Variants in ZDHHC7 observed in about 807,000 individuals in gnomAD.
The protein encoded by ZDHHC7 is palmitoyltransferase ZDHHC7.
Under a neutral mutation model 34.1 loss-of-function variants are expected in ZDHHC7, and 12 were observed. The observed-to-expected ratio is 0.35, with a 90% CI of 0.23 to 0.57. The LOEUF is 0.57. Ranked by LOEUF, ZDHHC7 falls within the 20% of genes least tolerant of loss-of-function variation. The pLI is 0.84. For synonymous variants in ZDHHC7, 185 were observed against 155.4 expected, an observed-to-expected ratio of 1.19 and a Z score of -1.42; for missense variants, 388 against 402.7, an observed-to-expected ratio of 0.96 and a Z score of 0.31.
chr16:85,025,379 C>T, the ZDHHC7 span, among the ~76,000 whole-genome samples: 1 of 151,764 alleles, frequency 6.6e-6, no homozygotes, highest in African/African-American at 2.4e-5. Context: ...CCTGCTGAGC[C>T]AACCCCAGAG....
In ZDHHC7 at chr16:84,976,439, C is replaced by G. The variant is rs781180369; in HGVS notation, c.831G>C (p.Gly277=). Residue 277 remains glycine (G), a synonymous_variant, in exon 8 of 8, where the codon GGG becomes GGC. Transcript: ENST00000313732. ...GATTCATCCAGAGGAGTGAGGGGGG[C>G]CCCCCAAAGACGGACTTCATCCCTT... ...RWEGMKSVFG[G]PPSLLWMNPF... 2.5e-6 allele frequency: 4 copies of G among 1,613,946 alleles called. No homozygotes were observed. In the South Asian group the frequency reaches 4.4e-5, roughly 18 times the overall value.
rs990714245 is a variant in ZDHHC7 at position 84,975,898 on chromosome 16, T to C, written c.*445A>G. ...TAATCGAGACCAAAACGTCTTTCTA[T>C]GTAAACGCCCTGCTGTGATCCGGGG... On this transcript the variant is annotated 3_prime_UTR_variant, in exon 8 of 8. Transcript: ENST00000313732. 2.3e-5 allele frequency: 4 copies of C among 171,374 alleles called. No homozygotes were observed. Among genetic ancestry groups the C allele is most frequent in the African/African-American group, 7.2e-5 (3 of 41,584 alleles). 10.6% of individuals were successfully genotyped at this position (171,374 alleles called of 1,614,324 possible).
chr16:84,979,692 GAAT>G (rs1267273208), intron 4 of ZDHHC7, among the ~76,000 whole-genome samples: 2 of 152,014 alleles, frequency 1.3e-5, no homozygotes, highest in Non-Finnish European at 2.9e-5. Context: ...TCCTACCACT[GAAT>G]CCATATTCAC....
chr16:84,999,006 C>T (rs1183642793), intron 1 of ZDHHC7, among the ~76,000 whole-genome samples: 1 of 152,314 alleles, frequency 6.6e-6, no homozygotes, highest in African/African-American at 2.4e-5. Context: ...CCGCCCGCCT[C>T]AGCCTCCCAA....
In ZDHHC7 at chr16:85,000,891, G is replaced by C. The variant is rs191443459; in HGVS notation, c.-103-4884C>G. ...AAGTTAGCAGCAAAGTGTGATCAGG[G>C]AGAGAAATGAAAACAGCTACTTCTG... On this transcript the variant is annotated intron_variant, in intron 1 of 7. Transcript: ENST00000313732. 1.0e-3 allele frequency among the ~76,000 whole-genome samples: 159 copies of C among 152,330 alleles called. 1 individual carries two copies. The highest frequency in any genetic ancestry group is 3.6e-3 in the African/African-American group (150 of 41,570).
chr16:84,990,115 C>T (rs1473948472), intron 3 of ZDHHC7, among the ~76,000 whole-genome samples, 189 bp downstream of exon 3: 4 of 152,300 alleles, frequency 2.6e-5, no homozygotes, highest in East Asian at 3.9e-4. Flanking sequence ...TATTTCACTG[C>T]GCTAGGTCTG....
intron 3 of ZDHHC7, among the ~76,000 whole-genome samples, chr16:84,983,787 G>A (rs111613771): frequency 4.0e-5 from 6 of 151,872 alleles, no homozygotes; most frequent in Non-Finnish European, 7.4e-5. Flanking sequence ...GGATCACGAG[G>A]TTAGGAGTTC....
chr16:85,002,882 TATGGAGACCGCAAA>T (rs1317548770), intron 1 of ZDHHC7, among the ~76,000 whole-genome samples: 1 of 150,988 alleles, frequency 6.6e-6, no homozygotes, highest in African/African-American at 2.4e-5. Context: ...TGGGAGGGCC[TATGGAGACCGCAAA>T]ATGGAAATGG....
intron 2 of ZDHHC7, among the ~76,000 whole-genome samples, chr16:84,991,364 C>A (rs1434035231): frequency 6.6e-6 from 1 of 152,024 alleles, no homozygotes; most frequent in Admixed American, 6.6e-5. Context: ...TGGCTCACTG[C>A]AACCTCCGTC....
At chr16:85,021,409 C>CAA in the ZDHHC7 span, among the ~76,000 whole-genome samples, 1,865 of 85,318 alleles carry the variant, frequency 0.022, 101 homozygotes, top group African/African-American at 0.06. Context: ...AGACTCCATC[C>CAA]AAAAAAAAAA....
intron 3 of ZDHHC7, among the ~76,000 whole-genome samples, chr16:84,984,808 C>G (rs921201507): frequency 2.0e-5 from 3 of 152,106 alleles, no homozygotes; most frequent in African/African-American, 7.2e-5. Context: ...GAGTCTATCA[C>G]CTACATTTTC....
the ZDHHC7 span, among the ~76,000 whole-genome samples, chr16:85,020,614 T>C: frequency 3.9e-5 from 6 of 152,068 alleles, no homozygotes; most frequent in Non-Finnish European, 5.9e-5. Context: ...AGGCAGGTCC[T>C]ACAGTAGAAA....
At position 84,981,935 on chromosome 16, in the gene ZDHHC7, G is replaced by C. The variant is rs16975086; in HGVS notation, c.375C>G (p.Pro125=). Residue 125 remains proline, a synonymous_variant, in exon 4 of 8, where the codon CCC becomes CCG. Coordinates refer to ENST00000313732, the MANE Select transcript of ZDHHC7 (RefSeq NM_017740.3). The stretch of plus-strand genomic sequence containing the variant: ...TGGGGCACTTGTAGATGACTTCCCC[G>C]GGCTTCAGCTGCAAGCTCTCCATGT... ...KEYMESLQLK[P]GEVIYKCPKC... 1 of 1,614,056 alleles carries C rather than the reference G, an allele frequency of 6.2e-7. No individual in the cohort carries two copies. The highest frequency in any genetic ancestry group is 8.5e-7 in the Non-Finnish European group (1 of 1,179,996).
At chr16:85,010,232 GGCT>G (rs1046495882) in intron 1 of ZDHHC7, among the ~76,000 whole-genome samples, 1 of 151,354 alleles carries the variant, frequency 6.6e-6, no homozygotes, top group Non-Finnish European at 1.5e-5. Flanking sequence ...ATGTTGCCCA[GGCT>G]GCTCTCCAAC....
intron 1 of ZDHHC7, among the ~76,000 whole-genome samples, chr16:85,006,846 C>A (rs1287053228): frequency 6.6e-6 from 1 of 150,868 alleles, no homozygotes; most frequent in Non-Finnish European, 1.5e-5. Flanking sequence ...GCTCAACATT[C>A]CCCACTCTCT....
chr16:84,976,559 AAGCTCGGCAGAC>A (rs757262759), intron 7 of ZDHHC7, 40 bp from the exon 8 acceptor site: 1 of 1,600,158 alleles, frequency 6.2e-7, no homozygotes, highest in Non-Finnish European at 8.5e-7. Context: ...CGGCTCCAGG[AAGCTCGGCAGAC>A]CCCACCAAGC....
At chr16:84,996,272 T>C (rs2072575457) in intron 1 of ZDHHC7, among the ~76,000 whole-genome samples, 1 of 152,208 alleles carries the variant, frequency 6.6e-6, no homozygotes, top group Non-Finnish European at 1.5e-5. Context: ...TACAGATCTA[T>C]AAGCTAAAAT....
the ZDHHC7 span, among the ~76,000 whole-genome samples, chr16:85,024,890 G>C: frequency 2.0e-5 from 3 of 152,210 alleles, no homozygotes; most frequent in Non-Finnish European, 2.9e-5. Context: ...GGCTTTTGCT[G>C]AAAGTATTGA....
At chr16:85,017,906 A>G in the ZDHHC7 span, among the ~76,000 whole-genome samples, 26,869 of 152,186 alleles carry the variant, frequency 0.18, 2,469 homozygotes, top group African/African-American at 0.2. Context: ...TTAACCAAGG[A>G]CTGGGATATT....
Sources: gnomAD v4.1 joint callset for allele counts (sites outside exome capture counted in the v4.1 genomes callset) on GRCh38, gnomAD v4.1.1 for gene constraint, MANE v1.5 for transcripts, NCBI Gene and HGNC (gene_info 2026-07-23, HGNC 2026-07-21) for gene names.